Variants in MACO1 observed in about 807,000 individuals in gnomAD.
MACO1 encodes the protein macoilin 1.
In MACO1, 14 loss-of-function variants were observed where a neutral mutation model predicts 78.7. That is an observed-to-expected ratio of 0.18 (90% CI 0.12 to 0.28). The LOEUF (loss-of-function observed/expected upper bound fraction) is 0.28, where lower values mean the gene tolerates loss of function less well. Among genes scored for constraint, MACO1 ranks in the 10% least tolerant of loss-of-function variants. MACO1 has a pLI of 1.00. For missense variants in MACO1, 501 were observed against 799.0 expected, an observed-to-expected ratio of 0.63 and a Z score of 4.50; for synonymous variants, 288 against 291.6, an observed-to-expected ratio of 0.99 and a Z score of 0.12.
At chr1:25,460,022 G>A (rs1389783072) in intron 6 of MACO1, among the ~76,000 whole-genome samples, 1 of 152,152 alleles carries the variant, frequency 6.6e-6, no homozygotes, top group Non-Finnish European at 1.5e-5. Context: ...TAGGCAGTCC[G>A]TTTATTCTAG....
chr1:25,459,803 A>G (rs540102759), intron 6 of MACO1, among the ~76,000 whole-genome samples: 1 of 152,262 alleles, frequency 6.6e-6, no homozygotes, highest in African/African-American at 2.4e-5. Context: ...GTTTTATTAC[A>G]TTGACTGGCT....
At chr1:25,446,647 G>A (rs2043017505) in intron 1 of MACO1, 115 bp from the exon 2 acceptor site, 1 of 1,043,028 alleles carries the variant, frequency 9.6e-7, no homozygotes, top group African/African-American at 1.6e-5. Context: ...TATCTCCATT[G>A]TTTTCATGAT....
rs755889869 is a variant in MACO1, at chr1:25,458,498, G to C, written c.760G>C (p.Glu254Gln). The C allele has an allele frequency of 6.2e-7, 1 of 1,613,504 alleles. No individual in the cohort carries two copies. Among genetic ancestry groups the C allele is most frequent in the Admixed American group, 1.7e-5 (1 of 59,934 alleles). ...AACTTTGCCAGAGATAGAATACCGA[G>C]AAAAAGGGAAAGAAAAGGACAAGGA... is the stretch of plus-strand genomic sequence containing the variant. The part of the protein sequence containing the change: ...STTLPEIEYR[E>Q]KGKEKDKDAK... The change falls in exon 6 of 11, where the codon GAA (glutamate) becomes CAA (glutamine). Residue 254 changes from glutamate (E) to glutamine (Q), a missense_variant. Transcript: ENST00000374343.
intron 1 of MACO1, among the ~76,000 whole-genome samples, chr1:25,446,508 G>T (rs1557659979): frequency 6.6e-6 from 1 of 152,022 alleles, no homozygotes; most frequent in African/African-American, 2.4e-5. Flanking sequence ...GATTTAAATG[G>T]TTTTTTTCCA....
In MACO1 at chr1:25,458,627, A is replaced by G. The variant is rs1382582271; in HGVS notation, c.889A>G (p.Arg297Gly). The change falls in exon 6 of 11, where the codon AGA becomes GGA. Residue 297 changes from arginine (R) to glycine (G), a missense_variant. Around this residue, in one of 5 missense-constraint regions of MACO1, gnomAD observed 90 missense variants for 85.7 expected, o/e 1.05. Coordinates refer to ENST00000374343, the MANE Select transcript of MACO1 (RefSeq NM_018202.6). Reference sequence around the variant, plus strand: ...TATGGAAAACCATATCAATAGTAAAAGATTAAATAATGATCTTGTGGGAAG... The same window carrying G: ...TATGGAAAACCATATCAATAGTAAAGGATTAAATAATGATCTTGTGGGAAG... Reference protein sequence around the residue: ...EYMENHINSKRLNNDLVGSTE... With the variant: ...EYMENHINSKGLNNDLVGSTE... 1.9e-6 allele frequency: 3 copies of G among 1,614,120 alleles called. No homozygotes were observed. The highest frequency in any genetic ancestry group is 2.5e-6 in the Non-Finnish European group (3 of 1,180,000).
At chr1:25,460,452 T>C (rs2043161253) in intron 6 of MACO1, among the ~76,000 whole-genome samples, 1 of 151,868 alleles carries the variant, frequency 6.6e-6, no homozygotes, top group Admixed American at 6.6e-5. Flanking sequence ...TGCCCAGGCT[T>C]GAGTGTAGTG....
At chr1:25,445,265 C>T (rs1368451978) in intron 1 of MACO1, among the ~76,000 whole-genome samples, 2 of 150,830 alleles carry the variant, frequency 1.3e-5, no homozygotes, top group Non-Finnish European at 2.9e-5. Flanking sequence ...TGCCATTGCA[C>T]TCCATCCTGG....
At chr1:25,452,063 A>G (rs2043071658) in intron 3 of MACO1, among the ~76,000 whole-genome samples, 2 of 151,974 alleles carry the variant, frequency 1.3e-5, no homozygotes, top group Non-Finnish European at 2.9e-5. Context: ...TCACTCAGGT[A>G]CTAGGACTAA....
intron 6 of MACO1, among the ~76,000 whole-genome samples, chr1:25,476,220 C>T (rs1166103158): frequency 1.3e-5 from 2 of 152,174 alleles, no homozygotes; most frequent in Non-Finnish European, 2.9e-5. Flanking sequence ...GTGAAAGTCT[C>T]TAGAATTCTT....
At chr1:25,488,055 ATATG>A in intron 8 of MACO1, among the ~76,000 whole-genome samples, 1 of 152,182 alleles carries the variant, frequency 6.6e-6, no homozygotes, top group Non-Finnish European at 1.5e-5. Context: ...ATTATTGTAT[ATATG>A]TATGTATTTT....
At chr1:25,489,641 A>G (rs546670727) in intron 9 of MACO1, among the ~76,000 whole-genome samples, 12 of 152,222 alleles carry the variant, frequency 7.9e-5, no homozygotes, top group East Asian at 5.8e-4. Flanking sequence ...CCCTCTTTCT[A>G]TTGCCAGGGG....
intron 6 of MACO1, among the ~76,000 whole-genome samples, chr1:25,470,295 C>G (rs1297156366): frequency 6.6e-6 from 1 of 152,148 alleles, no homozygotes; most frequent in Non-Finnish European, 1.5e-5. Context: ...TGGCCTGGGT[C>G]AGGGTTAGGA....
intron 10 of MACO1, among the ~76,000 whole-genome samples, chr1:25,492,034 G>T (rs1326063780): frequency 3.9e-5 from 6 of 152,292 alleles, no homozygotes; most frequent in Non-Finnish European, 8.8e-5. Context: ...GTGTGGTGGA[G>T]GGTGAGGGGT....
chr1:25,487,003 G>A (rs1341689061), intron 8 of MACO1, among the ~76,000 whole-genome samples: 1 of 152,106 alleles, frequency 6.6e-6, no homozygotes, highest in South Asian at 2.1e-4. Flanking sequence ...TTCCACTCAG[G>A]AGGACATAGC....
At chr1:25,438,418 C>T (rs1405937997) in intron 1 of MACO1, among the ~76,000 whole-genome samples, 3 of 152,218 alleles carry the variant, frequency 2.0e-5, no homozygotes, top group Non-Finnish European at 2.9e-5. Flanking sequence ...ATTTTATCCT[C>T]ACAAGTGTGA....
intron 1 of MACO1, among the ~76,000 whole-genome samples, chr1:25,438,413 A>G (rs1056938826): frequency 3.3e-5 from 5 of 152,208 alleles, no homozygotes; most frequent in Non-Finnish European, 5.9e-5. Flanking sequence ...ATCTCATTTT[A>G]TCCTCACAAG....
chr1:25,478,148 G>A (rs1557672209), intron 6 of MACO1, among the ~76,000 whole-genome samples: 1 of 152,218 alleles, frequency 6.6e-6, no homozygotes, highest in Non-Finnish European at 1.5e-5. Flanking sequence ...AGGAGGCTGA[G>A]GCACAGGAAT....
At chr1:25,457,093 G>T (rs1220150876) in intron 5 of MACO1, among the ~76,000 whole-genome samples, 3 of 151,134 alleles carry the variant, frequency 2.0e-5, no homozygotes, top group African/African-American at 7.3e-5. Flanking sequence ...TTTTAATTCT[G>T]ATTTTTTTTT....
rs2124584850 is a variant in MACO1, at chr1:25,456,764, A to G, written c.585A>G (p.Gln195=). Residue 195 remains glutamine, a synonymous_variant, in exon 5 of 11, where the codon CAA becomes CAG. Coordinates refer to ENST00000374343, the MANE Select transcript of MACO1 (RefSeq NM_018202.6). ...EVQKENEFYM[Q]LLQQALPPEQ... is the part of the protein sequence containing the mutation. ...AAAAAGAGAACGAGTTTTACATGCA[A>G]CTTCTTCAACAAGCTCTCCCTCCAG... The G allele has an allele frequency of 6.2e-7, 1 of 1,614,022 alleles. No homozygotes were observed. The highest frequency in any genetic ancestry group is 1.7e-5 in the Admixed American group (1 of 60,002).
Sources: gnomAD v4.1 joint callset for allele counts (sites outside exome capture counted in the v4.1 genomes callset) on GRCh38, gnomAD v4.1.1 for gene constraint, gnomAD v4.1.1 regional missense constraint, MANE v1.5 for transcripts, NCBI Gene and HGNC (gene_info 2026-07-23, HGNC 2026-07-21) for gene names.